ECRG4: variants seen among roughly 807,000 people sequenced by gnomAD.
The protein encoded by ECRG4 is augurin.
Under a neutral mutation model 15.8 loss-of-function variants are expected in ECRG4, and 18 were observed. The ratio of observed to expected loss-of-function variants is 1.14; its 90% CI spans 0.79 to 1.69. ECRG4 has a LOEUF of 1.69. Ranked by LOEUF, ECRG4 falls within the 40% of genes most tolerant of loss-of-function variation. The probability of loss-of-function intolerance (pLI) is 0.00; values close to 1 mark genes in which losing one functional copy is unlikely to be tolerated. For missense variants in ECRG4, 200 were observed against 190.9 expected (o/e 1.05, Z -0.28); for synonymous variants, 82 against 73.9 (o/e 1.11, Z -0.56).
In ECRG4 at chr2:106,067,058, CCGGGGGG is replaced by C. The variant is rs950326474; in HGVS notation, c.79+1216_79+1222del. Among the ~76,000 whole-genome samples, 4 of 3,398 alleles carry C rather than the reference CCGGGGGG, an allele frequency of 1.2e-3. 1 individual carries two copies. The highest frequency in any genetic ancestry group is 7.0e-3 in the African/African-American group (4 of 572). 2.2% of individuals were successfully genotyped at this position (3,398 alleles called of 152,430 possible). A position where few individuals can be genotyped will look rare whatever the true frequency, so the allele number is the denominator to read the frequency against. Reference sequence around the variant, plus strand: ...CCTGTAATCCCAGCACTTTGGGAGGCCGGGGGGGGGGGGGGGGCAGATCACCTGAGGT... The same window carrying C: ...CCTGTAATCCCAGCACTTTGGGAGGCGGGGGGGGGGCAGATCACCTGAGGT... On this transcript the variant is annotated intron_variant, in intron 1 of 3. Transcript: ENST00000238044.
chr2:106,071,322 T>TAAAAAAAGAAAAAAA (rs1676362679), intron 1 of ECRG4, among the ~76,000 whole-genome samples: 1 of 78,332 alleles, frequency 1.3e-5, no homozygotes, highest in Non-Finnish European at 2.3e-5. Flanking sequence ...GGTAAGGCTG[T>TAAAAAAAGAAAAAAA]AAAAAAAAAA....
chr2:106,069,279 TTTTC>T (rs1676304701), intron 1 of ECRG4, among the ~76,000 whole-genome samples: 1 of 147,436 alleles, frequency 6.8e-6, no homozygotes, highest in African/African-American at 2.5e-5. Flanking sequence ...CTTTCTTTCT[TTTTC>T]TCTTTCTTTC....
Position 106,072,827 on chromosome 2 carries a change from C to T in ECRG4, c.127+936C>T, listed in dbSNP as rs150229160. ...GTGTGGTGGCCAGAGCCTTACCTCA[C>T]GGATGCCCAGGGATCAACAACGCCC... is the stretch of plus-strand genomic sequence containing the variant. On this transcript the variant is annotated intron_variant, in intron 2 of 3. Transcript: ENST00000238044. 7.9e-3 allele frequency among the ~76,000 whole-genome samples: 1,207 copies of T among 152,328 alleles called. 18 individuals are homozygous for T. Among genetic ancestry groups the T allele is most frequent in the African/African-American group, 0.028 (1,147 of 41,568 alleles).
At chr2:106,068,885 C>T (rs1369169889) in intron 1 of ECRG4, among the ~76,000 whole-genome samples, 1 of 152,166 alleles carries the variant, frequency 6.6e-6, no homozygotes, top group East Asian at 1.9e-4. Flanking sequence ...TTAGAAAATC[C>T]CCTCTACAGT....
At chr2:106,073,031 G>A (rs990483417) in intron 2 of ECRG4, among the ~76,000 whole-genome samples, 62 of 152,278 alleles carry the variant, frequency 4.1e-4, no homozygotes, top group African/African-American at 1.5e-3. Context: ...ACCCCTGCTG[G>A]TATTTGTCCA....
At chr2:106,073,802 G>A (rs1676421426) in intron 2 of ECRG4, 84 bp from the exon 3 acceptor site, 2 of 1,509,612 alleles carry the variant, frequency 1.3e-6, no homozygotes, top group Non-Finnish European at 1.8e-6. Context: ...GGTGGTGGGG[G>A]ATGGGATGTA....
chr2:106,073,731 C>A, intron 2 of ECRG4, 155 bp from the exon 3 acceptor site: 2 of 836,246 alleles, frequency 2.4e-6, no homozygotes, highest in Non-Finnish European at 3.9e-6. Context: ...ATCTACGAGG[C>A]TGTGTCACAT....
chr2:106,065,938 G>A (rs1016298933), intron 1 of ECRG4, 95 bp downstream of exon 1: 22 of 1,158,704 alleles, frequency 1.9e-5, no homozygotes, highest in Non-Finnish European at 2.6e-5. Context: ...TCGGTGATGG[G>A]GTGGCGGCGT....
chr2:106,065,841 C>T lies in ECRG4; in HGVS notation c.77C>T (p.Pro26Leu). The T allele has an allele frequency of 6.8e-7, 1 of 1,479,784 alleles. No homozygotes were observed. Among genetic ancestry groups the T allele is most frequent in the Non-Finnish European group, 8.9e-7 (1 of 1,122,488 alleles). 91.7% of individuals were successfully genotyped at this position (1,479,784 alleles called of 1,614,324 possible). A position where few individuals can be genotyped will look rare whatever the true frequency, so the allele number is the denominator to read the frequency against. Residue 26 changes from proline to leucine, a missense_variant and splice_region_variant, in exon 1 of 4, where the codon CCA becomes CTA. Physicochemically the swap from Pro to Leu is moderately conservative, Grantham distance 98. Coordinates refer to ENST00000238044, the MANE Select transcript of ECRG4 (RefSeq NM_032411.3). ...LALLLLLCWG[P>L]GGISGNKLKL... ...CTGCTCCTGCTCCTGTGCTGGGGCC[C>T]AGGTGAGCGGGGCGATGCCAGGCTG...
chr2:106,077,657 A>T, intron 3 of ECRG4, 108 bp from the exon 4 acceptor site: 1 of 990,930 alleles, frequency 1.0e-6, no homozygotes, highest in Non-Finnish European at 1.5e-6. Context: ...AAGGGTTGTT[A>T]ATCGTTGAAG....
chr2:106,072,008 A>T (rs1471541407), intron 2 of ECRG4, 117 bp downstream of exon 2: 16 of 825,442 alleles, frequency 1.9e-5, no homozygotes, highest in Non-Finnish European at 3.0e-5. Flanking sequence ...TTTACTCCTT[A>T]AAAGGTTAGC....
intron 1 of ECRG4, among the ~76,000 whole-genome samples, chr2:106,066,427 TAAAACGTGCA>T (rs1305162938): frequency 3.3e-5 from 5 of 152,220 alleles, no homozygotes. Flanking sequence ...TCGCTCTCTG[TAAAACGTGCA>T]TTCACACGCA....
chr2:106,074,137 C>T, intron 3 of ECRG4, 94 bp downstream of exon 3: 1 of 1,455,256 alleles, frequency 6.9e-7, no homozygotes, highest in Non-Finnish European at 9.5e-7. Flanking sequence ...GAAAATTCAG[C>T]TTTGCTGTTC....
At chr2:106,076,880 T>C (rs1676497337) in intron 3 of ECRG4, among the ~76,000 whole-genome samples, 1 of 152,122 alleles carries the variant, frequency 6.6e-6, no homozygotes, top group Non-Finnish European at 1.5e-5. Flanking sequence ...ACACTAAATC[T>C]CTTGCGATGT....
chr2:106,069,437 G>A (rs529726838), intron 1 of ECRG4, among the ~76,000 whole-genome samples: 27 of 151,106 alleles, frequency 1.8e-4, no homozygotes, highest in African/African-American at 4.6e-4. Flanking sequence ...AGGTTCAAGC[G>A]ATTCTCCTGC....
intron 3 of ECRG4, among the ~76,000 whole-genome samples, chr2:106,075,239 G>A (rs922976342): frequency 2.0e-5 from 3 of 152,216 alleles, no homozygotes; most frequent in Non-Finnish European, 4.4e-5. Flanking sequence ...GTATCTCTGA[G>A]TATTGTCAAA....
At chr2:106,064,213 G>GT (rs146971228), upstream of ECRG4, 10,182 of 152,280 alleles carry the variant, frequency 0.067, 407 homozygotes, top group East Asian at 0.14. Context: ...ACCCTGGGCA[G>GT]TATCATGATC....
At chr2:106,069,484 C>T (rs1381463592) in intron 1 of ECRG4, among the ~76,000 whole-genome samples, 3 of 151,970 alleles carry the variant, frequency 2.0e-5, no homozygotes, top group Non-Finnish European at 4.4e-5. Context: ...CAGGCATGCA[C>T]CACCACACTA....
intron 3 of ECRG4, among the ~76,000 whole-genome samples, chr2:106,076,233 G>A (rs557795475): frequency 2.0e-5 from 3 of 152,048 alleles, no homozygotes; most frequent in Admixed American, 6.6e-5. Context: ...CAGGAGAACC[G>A]CTTGAACCTG....
Sources: allele counts gnomAD v4.1 joint callset (sites outside exome capture counted in the v4.1 genomes callset), GRCh38; gene constraint gnomAD v4.1.1; transcripts MANE v1.5; gene names NCBI Gene and HGNC (gene_info 2026-07-23, HGNC 2026-07-21).